The following ERBB4 variants were observed in gnomAD, a reference collection of about 807,000 sequenced individuals.
ERBB4 encodes the protein erb-b2 receptor tyrosine kinase 4, also known as receptor tyrosine-protein kinase erbB-4.
A neutral mutation model predicts 158.0 loss-of-function variants in ERBB4; 42 were observed. The ratio of observed to expected loss-of-function variants is 0.27; its 90% CI spans 0.21 to 0.34. ERBB4 has a LOEUF of 0.34. ERBB4 is among the 10% of genes least tolerant of loss of function. The pLI, the probability that ERBB4 is intolerant of heterozygous loss-of-function variation, is 1.00. For synonymous variants in ERBB4, 583 were observed against 558.7 expected, an observed-to-expected ratio of 1.04 and a Z score of -0.61; for missense variants, 1,333 against 1,624.1, an observed-to-expected ratio of 0.82 and a Z score of 3.08.
In ERBB4 at chr2:211,946,576, CTTTTTTTTT is replaced by C. The variant is rs56007115; in HGVS notation, c.421+845_421+853del. Among the ~76,000 whole-genome samples, 12 of 49,588 alleles carry C rather than the reference CTTTTTTTTT, an allele frequency of 2.4e-4. No individual in the cohort carries two copies. The South Asian group carries it at 4.9e-3, about 20-fold the overall frequency. The allele number at this position is 49,588 out of a possible 152,430, so 32.5% of individuals were successfully genotyped here. On this transcript the variant is annotated intron_variant, in intron 3 of 27. Transcript: ENST00000342788. ...TACTAATTATTTACTAATTAGCTCT[CTTTTTTTTT>C]TTTTTTTTTTTTTTTTTTTTGAGAT... is the stretch of plus-strand genomic sequence containing the variant.
intron 12 of ERBB4, among the ~76,000 whole-genome samples, chr2:211,698,333 A>AG (rs1368982926): frequency 7.4e-5 from 11 of 149,366 alleles, no homozygotes; most frequent in African/African-American, 2.0e-4. Context: ...AAAAAAAAAA[A>AG]GGGGAATAAG....
chr2:211,892,197 A>C (rs1349691077), intron 3 of ERBB4, among the ~76,000 whole-genome samples: 1 of 110,500 alleles, frequency 9.0e-6, no homozygotes, highest in Non-Finnish European at 1.8e-5. Flanking sequence ...CACATCAAAA[A>C]GCTTATCCAC....
chr2:212,435,319 G>A (rs1013051216), intron 1 of ERBB4, among the ~76,000 whole-genome samples: 2 of 151,904 alleles, frequency 1.3e-5, no homozygotes, highest in East Asian at 1.9e-4. Context: ...GAATATCAAC[G>A]GAGTTGTTGT....
At chr2:211,564,448 A>T (rs764145270) in intron 19 of ERBB4, among the ~76,000 whole-genome samples, 1 of 152,168 alleles carries the variant, frequency 6.6e-6, no homozygotes, top group African/African-American at 2.4e-5. Flanking sequence ...TCTGGGGAAA[A>T]TAGAAGTATT....
At chr2:212,101,345 C>CTATACATATATATATATA (rs1553558258) in intron 2 of ERBB4, among the ~76,000 whole-genome samples, 7,257 of 98,092 alleles carry the variant, frequency 0.074, 497 homozygotes, top group African/African-American at 0.18. Context: ...CACACACACC[C>CTATACATATATATATATA]TATACATATA....
intron 3 of ERBB4, among the ~76,000 whole-genome samples, chr2:211,822,967 G>C (rs78759630): frequency 6.6e-6 from 1 of 152,034 alleles, no homozygotes; most frequent in Non-Finnish European, 1.5e-5. Flanking sequence ...TCCCTTTTAT[G>C]GACTGTACCA....
intron 2 of ERBB4, among the ~76,000 whole-genome samples, chr2:212,071,030 T>A (rs1359441210): frequency 6.6e-6 from 1 of 151,960 alleles, no homozygotes; most frequent in East Asian, 1.9e-4. Flanking sequence ...AGTATCGTAA[T>A]TTGACTCTGG....
intron 2 of ERBB4, among the ~76,000 whole-genome samples, chr2:212,014,639 A>G (rs75729270): frequency 0.033 from 5,041 of 152,164 alleles, 305 homozygotes; most frequent in African/African-American, 0.12. Flanking sequence ...TGCTTCAAAC[A>G]CACCTCTCAC....
chr2:211,927,706 G>A (rs891633053), intron 3 of ERBB4, among the ~76,000 whole-genome samples: 3 of 150,824 alleles, frequency 2.0e-5, no homozygotes, highest in Admixed American at 6.6e-5. Flanking sequence ...CACTTAACTC[G>A]CAAAAGTTTT....
intron 2 of ERBB4, among the ~76,000 whole-genome samples, chr2:212,063,623 A>T (rs2077848229): frequency 6.6e-6 from 1 of 152,172 alleles, no homozygotes; most frequent in African/African-American, 2.4e-5. Context: ...GGGAAAAAAA[A>T]TGACAGAATT....
chr2:212,141,237 T>C (rs577879944), intron 1 of ERBB4, among the ~76,000 whole-genome samples: 59 of 152,080 alleles, frequency 3.9e-4, no homozygotes, highest in African/African-American at 1.4e-3. Context: ...ATATTAGAAG[T>C]CCATGACAGA....
rs371999638 is a variant in ERBB4 at position 211,988,742 on chromosome 2, C to G, written c.235-41126G>C. Among the ~76,000 whole-genome samples the G allele has an allele frequency of 5.9e-5, 9 of 152,152 alleles. No individual in the cohort carries two copies. The South Asian group carries it at 1.7e-3, about 28-fold the overall frequency. Reference sequence around the variant, plus strand: ...GCTTCTCATTCTATTTTCCCTTTCCCTCTTCATCCACTTCTCTTTAAATGT... The same window carrying G: ...GCTTCTCATTCTATTTTCCCTTTCCGTCTTCATCCACTTCTCTTTAAATGT... On this transcript the variant is annotated intron_variant, in intron 2 of 27. Coordinates refer to ENST00000342788, the MANE Select transcript of ERBB4 (RefSeq NM_005235.3).
chr2:211,754,390 G>A (rs1179194078), intron 4 of ERBB4, among the ~76,000 whole-genome samples: 1 of 149,416 alleles, frequency 6.7e-6, no homozygotes, highest in Non-Finnish European at 1.5e-5. Context: ...TCTTCCCATT[G>A]ATTATTGCAA....
chr2:212,493,438 T>C (rs1690391540), intron 1 of ERBB4, among the ~76,000 whole-genome samples: 1 of 151,536 alleles, frequency 6.6e-6, no homozygotes, highest in African/African-American at 2.4e-5. Flanking sequence ...ACATATTTAT[T>C]ATGATATGGT....
chr2:211,669,010 G>A (rs368009278), intron 14 of ERBB4, among the ~76,000 whole-genome samples: 142 of 151,848 alleles, frequency 9.4e-4, no homozygotes, highest in Middle Eastern at 3.4e-3. Context: ...ATCACTTGAG[G>A]CCAGCAGTTC....
chr2:212,290,023 A>G (rs7582088), intron 1 of ERBB4, among the ~76,000 whole-genome samples: 6,694 of 152,242 alleles, frequency 0.044, 525 homozygotes, highest in African/African-American at 0.15. Context: ...TTTAAGTTTA[A>G]GAGCCAATAA....
chr2:212,227,678 C>G (rs116326612), intron 1 of ERBB4, among the ~76,000 whole-genome samples: 1 of 152,072 alleles, frequency 6.6e-6, no homozygotes, highest in East Asian at 1.9e-4. Context: ...TATAAGTAAT[C>G]AAGTCTTTGA....
At chr2:211,850,214 C>T (rs1003894298) in intron 3 of ERBB4, among the ~76,000 whole-genome samples, 2 of 151,730 alleles carry the variant, frequency 1.3e-5, no homozygotes, top group African/African-American at 4.8e-5. Context: ...CCCCAAAATG[C>T]AATGCTTTGT....
chr2:212,414,870 C>T (rs549404906), intron 1 of ERBB4, among the ~76,000 whole-genome samples: 21 of 152,254 alleles, frequency 1.4e-4, no homozygotes, highest in African/African-American at 4.8e-4. Flanking sequence ...CAATAAATGG[C>T]TACACGCACA....
Sources: allele counts gnomAD v4.1 joint callset (sites outside exome capture counted in the v4.1 genomes callset), GRCh38; gene constraint gnomAD v4.1.1; transcripts MANE v1.5; gene names NCBI Gene and HGNC (gene_info 2026-07-23, HGNC 2026-07-21).